Variants in RPS25 observed in about 807,000 individuals in gnomAD.
The protein encoded by RPS25 is ribosomal protein S25.
In RPS25, 1 loss-of-function variant was observed where a neutral mutation model predicts 14.4. That is an observed-to-expected ratio of 0.07 (90% CI 0.02 to 0.33). RPS25 has a LOEUF of 0.33. RPS25 is among the 10% of genes least tolerant of loss of function. RPS25 has a pLI of 1.00. For missense variants in RPS25, 65 were observed against 144.6 expected, an observed-to-expected ratio of 0.45 and a Z score of 2.82; for synonymous variants, 63 against 53.8, an observed-to-expected ratio of 1.17 and a Z score of -0.75.
Position 119,018,189 on chromosome 11 carries a change from G to C in RPS25, c.3+93C>G, listed in dbSNP as rs1193840041. The C allele has an allele frequency of 2.5e-6, 4 of 1,596,622 alleles. No homozygotes were observed. The African/African-American group carries it at 4.0e-5, about 16-fold the overall frequency. On this transcript the variant is annotated intron_variant, in intron 1 of 4. Transcript: ENST00000527673. Reference sequence around the variant, plus strand: ...ATAACCGCGCCCGCCCTGCAACCGAGGCCGGCAGGCCAAGGAGCGCTCCCG... The same window carrying C: ...ATAACCGCGCCCGCCCTGCAACCGACGCCGGCAGGCCAAGGAGCGCTCCCG...
chr11:119,015,799 G>C, intron 4 of RPS25, 41 bp from the exon 5 acceptor site: 1 of 1,387,060 alleles, frequency 7.2e-7, no homozygotes, highest in Non-Finnish European at 1.0e-6. Context: ...ATAAAGCTTT[G>C]TATCTACCTC....
rs1457753750 is a variant in RPS25, at chr11:119,016,018, T to TG, written c.284-80dup. 3.5e-6 allele frequency: 3 copies of TG among 862,682 alleles called. No homozygotes were observed. In the African/African-American group the frequency reaches 5.0e-5, roughly 14 times the overall value. The allele number at this position is 862,682 out of a possible 1,614,324, so 53.4% of individuals were successfully genotyped here. On this transcript the variant is annotated intron_variant, in intron 3 of 4. Coordinates refer to ENST00000527673, the MANE Select transcript of RPS25 (RefSeq NM_001028.3). ...TAGTAAGGTTTTTGGCTGGGCGCGGTGGCTCATGCTTATAATCCCACTGCT... is the reference window on the plus strand; with the variant it reads ...TAGTAAGGTTTTTGGCTGGGCGCGGTGGGCTCATGCTTATAATCCCACTGCT...
In RPS25 at chr11:119,015,801, A is replaced by G. The variant is rs377257030; in HGVS notation, c.*4+40T>C. On this transcript the variant is annotated intron_variant, in intron 4 of 4. Coordinates refer to ENST00000527673, the MANE Select transcript of RPS25 (RefSeq NM_001028.3). ...AAGAATCAGAACCATAAAGCTTTGTATCTACCTCCTACACCATGAGCCCAC... is the reference window on the plus strand; with the variant it reads ...AAGAATCAGAACCATAAAGCTTTGTGTCTACCTCCTACACCATGAGCCCAC... 1.4e-3 allele frequency: 1,921 copies of G among 1,398,702 alleles called. 5 individuals carry two copies. Among genetic ancestry groups the G allele is most frequent in the Admixed American group, 1.8e-3 (105 of 58,208 alleles). The allele number at this position is 1,398,702 out of a possible 1,614,324, so 86.6% of individuals were successfully genotyped here.
At chr11:119,016,031 T>A (rs1180752817) in intron 3 of RPS25, 92 bp from the exon 4 acceptor site, 1 of 766,374 alleles carries the variant, frequency 1.3e-6, no homozygotes, top group Admixed American at 1.9e-5. Context: ...CTCATGCTTA[T>A]AATCCCACTG....
At position 119,016,349 on chromosome 11, in the gene RPS25, T is replaced by C. The variant is rs551899142; in HGVS notation, c.284-410A>G. On this transcript the variant is annotated intron_variant, in intron 3 of 4. Transcript: ENST00000527673. ...TCCCAGCACTTTGGACAGGTGGATC[T>C]CTTGAGCCCAGGAGACCAGCCTGGG... 2.0e-5 allele frequency among the ~76,000 whole-genome samples: 3 copies of C among 152,180 alleles called. No homozygotes were observed. The East Asian group carries it at 5.8e-4, about 29-fold the overall frequency.
chr11:119,016,640 C>A (rs539715387), intron 3 of RPS25, among the ~76,000 whole-genome samples: 4 of 151,314 alleles, frequency 2.6e-5, no homozygotes, highest in South Asian at 2.1e-4. Flanking sequence ...TTCCACCCCC[C>A]CCCCCTTTCT....
chr11:119,016,729 C>T (rs1009241515), intron 3 of RPS25, among the ~76,000 whole-genome samples: 1 of 149,784 alleles, frequency 6.7e-6, no homozygotes, highest in Non-Finnish European at 1.5e-5. Context: ...CTCCTGGGTT[C>T]AAGGGATCCT....
intron 2 of RPS25, 92 bp downstream of exon 2, chr11:119,017,866 A>T: frequency 1.0e-6 from 1 of 976,844 alleles, no homozygotes; most frequent in Non-Finnish European, 1.6e-6. Context: ...AGAAATCTAC[A>T]CCTGAAAAAC....
chr11:119,015,790 T>C (rs782461548), intron 4 of RPS25, 32 bp from the exon 5 acceptor site: 19 of 1,366,158 alleles, frequency 1.4e-5, no homozygotes, highest in African/African-American at 2.9e-5. Flanking sequence ...ATCAGAACCA[T>C]AAAGCTTTGT....
chr11:119,018,176 G>C, intron 1 of RPS25, 106 bp downstream of exon 1: 1 of 1,585,648 alleles, frequency 6.3e-7, no homozygotes, highest in South Asian at 1.1e-5. Flanking sequence ...AACCGCGCCC[G>C]CCCTGCAACC....
At chr11:119,018,146 G>T in intron 1 of RPS25, 93 bp from the exon 2 acceptor site, 1 of 1,560,058 alleles carries the variant, frequency 6.4e-7, no homozygotes, top group Non-Finnish European at 8.8e-7. Flanking sequence ...TCCACCACCA[G>T]AGCACATGGG....
chr11:119,017,249 C>G, intron 3 of RPS25, 113 bp downstream of exon 3: 1 of 785,038 alleles, frequency 1.3e-6, no homozygotes, highest in Non-Finnish European at 2.0e-6. Flanking sequence ...AGCCAATGGT[C>G]AAGCCACGCT....
chr11:119,015,799 G>A, intron 4 of RPS25, 41 bp from the exon 5 acceptor site: 1 of 1,387,058 alleles, frequency 7.2e-7, no homozygotes, highest in Admixed American at 1.7e-5. Flanking sequence ...ATAAAGCTTT[G>A]TATCTACCTC....
intron 2 of RPS25, 161 bp from the exon 3 acceptor site, chr11:119,017,706 C>T (rs1943196674): frequency 1.3e-6 from 1 of 772,996 alleles, no homozygotes. Context: ...CGTTTTTGGC[C>T]TTCAAACAGG....
At chr11:119,016,901 C>A (rs149912907) in intron 3 of RPS25, among the ~76,000 whole-genome samples, 1 of 152,158 alleles carries the variant, frequency 6.6e-6, no homozygotes, top group Non-Finnish European at 1.5e-5. Context: ...GAATTATAGA[C>A]GTTCAGTCAC....
chr11:119,016,237 G>C (rs1388583178), intron 3 of RPS25, among the ~76,000 whole-genome samples: 1 of 152,132 alleles, frequency 6.6e-6, no homozygotes, highest in African/African-American at 2.4e-5. Flanking sequence ...ATTGAGCCAA[G>C]ACTGCCCCTC....
chr11:119,016,907 G>A (rs940395867), intron 3 of RPS25, among the ~76,000 whole-genome samples: 1 of 152,048 alleles, frequency 6.6e-6, no homozygotes, highest in Admixed American at 6.5e-5. Context: ...TAGACGTTCA[G>A]TCACTATAGT....
chr11:119,017,613 A>G, intron 2 of RPS25, 68 bp from the exon 3 acceptor site: 1 of 1,353,388 alleles, frequency 7.4e-7, no homozygotes, highest in Non-Finnish European at 1.0e-6. Context: ...CTCTCGAGTA[A>G]TCTGCGTCAG....
chr11:119,016,267 C>G lies in RPS25; in HGVS notation c.284-328G>C, dbSNP rs529537650. ...CCCCTCCGCACTCCAACCTGGGCAA[C>G]AGAATGAGACTCTAGTAAGGTTTGT... is the stretch of plus-strand genomic sequence containing the variant. On this transcript the variant is annotated intron_variant, in intron 3 of 4. Transcript: ENST00000527673. Among the ~76,000 whole-genome samples the G allele has an allele frequency of 3.3e-5, 5 of 152,298 alleles. No homozygotes were observed. The South Asian group carries it at 8.3e-4, about 25-fold the overall frequency.
Sources: allele counts gnomAD v4.1 joint callset (sites outside exome capture counted in the v4.1 genomes callset), GRCh38; gene constraint gnomAD v4.1.1; transcripts MANE v1.5; gene names NCBI Gene and HGNC (gene_info 2026-07-23, HGNC 2026-07-21).